The following KIAA1217 variants were observed in gnomAD, a reference collection of about 807,000 sequenced individuals.
KIAA1217 encodes the protein sickle tail protein homolog.
A neutral mutation model predicts 163.9 loss-of-function variants in KIAA1217; 88 were observed. The observed-to-expected ratio is 0.54, with a 90% CI of 0.45 to 0.64. The LOEUF (loss-of-function observed/expected upper bound fraction) is 0.64. Ranked by LOEUF, KIAA1217 falls within the 30% of genes least tolerant of loss-of-function variation. The probability of loss-of-function intolerance (pLI) is 0.00; values close to 1 mark genes in which losing one functional copy is unlikely to be tolerated. For synonymous variants in KIAA1217, 903 were observed against 923.1 expected (o/e 0.98, Z 0.39); for missense variants, 2,372 against 2,475.0 (o/e 0.96, Z 0.88).
chr10:23,855,988 T>C (rs980328537), intron 1 of KIAA1217, among the ~76,000 whole-genome samples: 5 of 152,232 alleles, frequency 3.3e-5, no homozygotes, highest in African/African-American at 1.2e-4. Flanking sequence ...AGTTTGATCG[T>C]CTGAAGCATT....
Position 24,473,829 on chromosome 10 carries a change from T to G in KIAA1217, c.1448T>G (p.Met483Arg), listed in dbSNP as rs775038452. The change falls in exon 6 of 21, where the codon ATG (methionine) becomes AGG (arginine). Residue 483 changes from methionine to arginine, a missense_variant. Met to Arg is a moderately conservative substitution (Grantham distance 91). Transcript: ENST00000376454. The part of the protein sequence containing the change: ...ASPHRVSDLR[M>R]IDMHAHYNAH... ...CCTCACAGAGTCAGTGACCTGAGGA[T>G]GATAGACATGCACGCTCACTATAAT... The G allele has an allele frequency of 1.2e-6, 2 of 1,613,972 alleles. No individual in the cohort carries two copies. Among genetic ancestry groups the G allele is most frequent in the African/African-American group, 2.7e-5 (2 of 74,890 alleles).
intron 1 of KIAA1217, among the ~76,000 whole-genome samples, chr10:23,747,441 A>G (rs367766994): frequency 7.2e-5 from 11 of 152,256 alleles, no homozygotes; most frequent in African/African-American, 2.6e-4. Context: ...TAAAGACTGT[A>G]TCTTTGGTGT....
chr10:24,315,986 G>C (rs1469483583), intron 2 of KIAA1217, among the ~76,000 whole-genome samples: 1 of 151,910 alleles, frequency 6.6e-6, no homozygotes, highest in Non-Finnish European at 1.5e-5. Context: ...GATTATAAAG[G>C]GTAGTTCCCT....
intron 2 of KIAA1217, among the ~76,000 whole-genome samples, chr10:24,081,298 G>A (rs1036678519): frequency 3.3e-5 from 5 of 152,184 alleles, no homozygotes; most frequent in African/African-American, 1.2e-4. Context: ...AAATGGCTAC[G>A]CTAATGTCAA....
chr10:24,278,921 A>G (rs1011258947), intron 2 of KIAA1217, among the ~76,000 whole-genome samples: 2 of 150,536 alleles, frequency 1.3e-5, no homozygotes, highest in African/African-American at 2.5e-5. Flanking sequence ...CAGCGGCCCA[A>G]TCTCAGCTCA....
At chr10:24,429,779 A>C (rs2059445144) in intron 3 of KIAA1217, among the ~76,000 whole-genome samples, 1 of 152,120 alleles carries the variant, frequency 6.6e-6, no homozygotes, top group Non-Finnish European at 1.5e-5. Flanking sequence ...TAATTTTGGG[A>C]AGTTTTATAT....
intron 2 of KIAA1217, among the ~76,000 whole-genome samples, chr10:24,306,789 G>A (rs374477128): frequency 2.3e-4 from 35 of 152,228 alleles, no homozygotes; most frequent in African/African-American, 8.0e-4. Context: ...AAGGGACATC[G>A]TGTCTTTCAC....
intron 2 of KIAA1217, among the ~76,000 whole-genome samples, chr10:24,185,612 T>A (rs2066390642): frequency 6.6e-6 from 1 of 152,010 alleles, no homozygotes; most frequent in Non-Finnish European, 1.5e-5. Flanking sequence ...CTGGCCAACA[T>A]GGTGAAGACC....
chr10:24,143,507 C>T (rs988504731), intron 2 of KIAA1217, among the ~76,000 whole-genome samples: 2 of 152,094 alleles, frequency 1.3e-5, no homozygotes, highest in Non-Finnish European at 2.9e-5. Flanking sequence ...AGGTGATCCA[C>T]CCACCTCGGC....
chr10:23,821,851 G>A (rs4237363), intron 1 of KIAA1217, among the ~76,000 whole-genome samples: 63,721 of 152,022 alleles, frequency 0.42, 18,926 homozygotes, highest in African/African-American at 0.85. Context: ...GGGGCCTCCA[G>A]CTCTTTCGGC....
intron 2 of KIAA1217, among the ~76,000 whole-genome samples, chr10:24,010,052 T>C (rs760685758): frequency 6.6e-6 from 1 of 152,192 alleles, no homozygotes; most frequent in Non-Finnish European, 1.5e-5. Flanking sequence ...GTCTGTTGCA[T>C]ACTTGATCAA....
chr10:23,897,044 C>A (rs1223344716), intron 1 of KIAA1217, among the ~76,000 whole-genome samples: 3 of 151,924 alleles, frequency 2.0e-5, no homozygotes, highest in African/African-American at 7.3e-5. Context: ...TTTTTGGAAG[C>A]AAGTGATAAA....
At chr10:23,945,160 T>C (rs2131342854) in intron 1 of KIAA1217, among the ~76,000 whole-genome samples, 1 of 151,596 alleles carries the variant, frequency 6.6e-6, no homozygotes, top group East Asian at 1.9e-4. Context: ...GACACACAGA[T>C]ACACAGAAAA....
rs116638920 is a variant in KIAA1217 at position 24,007,706 on chromosome 10, C to T, written c.-171+332C>T. 3.7e-3 allele frequency among the ~76,000 whole-genome samples: 562 copies of T among 152,162 alleles called. 5 individuals are homozygous for T. Among genetic ancestry groups the T allele is most frequent in the African/African-American group, 0.012 (516 of 41,530 alleles). On this transcript the variant is annotated intron_variant, in intron 2 of 18. Transcript: ENST00000376462. ...AAGCCATGATAATGACTAAAGAATA[C>T]GAAAATGCTCAGAGAACATGAACTT...
At chr10:23,812,632 C>T (rs914073603) in intron 1 of KIAA1217, among the ~76,000 whole-genome samples, 5 of 152,162 alleles carry the variant, frequency 3.3e-5, no homozygotes, top group Admixed American at 6.6e-5. Flanking sequence ...AATCTTAGAA[C>T]ATTTTCATCA....
chr10:24,114,417 AT>A (rs936734665), intron 2 of KIAA1217, among the ~76,000 whole-genome samples: 6 of 152,218 alleles, frequency 3.9e-5, no homozygotes, highest in African/African-American at 7.2e-5. Flanking sequence ...CCAAGTGATA[AT>A]TTTTTGCAGA....
chr10:23,960,511 C>A (rs760765099), intron 1 of KIAA1217, among the ~76,000 whole-genome samples: 3 of 152,166 alleles, frequency 2.0e-5, no homozygotes, highest in Non-Finnish European at 2.9e-5. Flanking sequence ...CCTGCCTTGG[C>A]CTCCCAAAGT....
chr10:23,734,799 T>C (rs531155333), intron 1 of KIAA1217, among the ~76,000 whole-genome samples: 10 of 151,966 alleles, frequency 6.6e-5, no homozygotes, highest in East Asian at 1.9e-4. Flanking sequence ...TGAGAGATCA[T>C]GGCACATTTA....
At chr10:24,225,390 C>T (rs2070380694) in intron 2 of KIAA1217, among the ~76,000 whole-genome samples, 1 of 152,190 alleles carries the variant, frequency 6.6e-6, no homozygotes, top group Admixed American at 6.5e-5. Flanking sequence ...TCCTAAAGTG[C>T]TGGGATCATG....
Sources: allele counts gnomAD v4.1 joint callset (sites outside exome capture counted in the v4.1 genomes callset), GRCh38; gene constraint gnomAD v4.1.1; transcripts MANE v1.5; gene names NCBI Gene and HGNC (gene_info 2026-07-23, HGNC 2026-07-21).